The following STAG1 variants were observed in gnomAD, a reference collection of about 807,000 sequenced individuals.
The protein encoded by STAG1 is cohesin subunit SA-1.
A neutral mutation model predicts 170.9 loss-of-function variants in STAG1; 26 were observed. The observed-to-expected ratio is 0.15, with a 90% CI of 0.11 to 0.21. STAG1 has a LOEUF of 0.21. Ranked by LOEUF, STAG1 falls within the 10% of genes least tolerant of loss-of-function variation. The pLI, the probability that STAG1 is intolerant of heterozygous loss-of-function variation, is 1.00. For missense variants in STAG1, 964 were observed against 1,509.5 expected (o/e 0.64, Z 5.99); for synonymous variants, 514 against 497.7 (o/e 1.03, Z -0.44).
intron 1 of STAG1, among the ~76,000 whole-genome samples, chr3:136,728,257 G>A (rs538416810): frequency 6.6e-6 from 1 of 152,206 alleles, no homozygotes; most frequent in Admixed American, 6.5e-5. Context: ...TAACAAAGGG[G>A]AAATAAACTA....
chr3:136,605,407 T>TAAATTCATTCATTCAC, intron 3 of STAG1, among the ~76,000 whole-genome samples: 1 of 152,370 alleles, frequency 6.6e-6, no homozygotes, highest in Admixed American at 6.5e-5. Context: ...CATTCATTCA[T>TAAATTCATTCATTCAC]ACATTCATTC....
At chr3:136,565,658 T>C (rs975816859) in intron 5 of STAG1, among the ~76,000 whole-genome samples, 15 of 152,180 alleles carry the variant, frequency 9.9e-5, no homozygotes, top group African/African-American at 3.4e-4. Flanking sequence ...TTATACGACC[T>C]AGCAATTCTA....
chr3:136,502,088 G>C (rs955482894), intron 8 of STAG1, among the ~76,000 whole-genome samples: 1 of 152,070 alleles, frequency 6.6e-6, no homozygotes, highest in South Asian at 2.1e-4. Context: ...GGCTGAGGCA[G>C]GAGAATTGCT....
chr3:136,392,781 A>AAAG (rs2087046632), intron 22 of STAG1, among the ~76,000 whole-genome samples: 2 of 151,040 alleles, frequency 1.3e-5, no homozygotes, highest in Non-Finnish European at 1.5e-5. Context: ...AAAAAAAAAA[A>AAAG]AAAAGAAAAG....
intron 1 of STAG1, among the ~76,000 whole-genome samples, chr3:136,716,913 A>G (rs1943554472): frequency 6.6e-6 from 1 of 152,238 alleles, no homozygotes; most frequent in African/African-American, 2.4e-5. Context: ...ATATGAAGTG[A>G]GGATAACAAT....
At position 136,644,768 on chromosome 3, in the gene STAG1, C is replaced by A. The variant is rs1301745474; in HGVS notation, c.-83-13787G>T. On this transcript the variant is annotated intron_variant, in intron 1 of 33. Coordinates refer to ENST00000383202, the MANE Select transcript of STAG1 (RefSeq NM_005862.3). ...GACAGGATTTCACTCTGTCACCAGG[C>A]TGGAGTGTGCTGGCAGATCTCAGCA... is the stretch of plus-strand genomic sequence containing the variant. Among the ~76,000 whole-genome samples, 12 of 152,138 alleles carry A rather than the reference C, an allele frequency of 7.9e-5. No individual in the cohort carries two copies. The East Asian group carries it at 2.3e-3, about 29-fold the overall frequency.
intron 22 of STAG1, among the ~76,000 whole-genome samples, chr3:136,390,643 T>C (rs1463276487): frequency 6.6e-6 from 1 of 152,222 alleles, no homozygotes; most frequent in African/African-American, 2.4e-5. Flanking sequence ...ATAAAATGCT[T>C]ACATGCGACT....
intron 22 of STAG1, among the ~76,000 whole-genome samples, chr3:136,393,590 CTTTT>C (rs774648941): frequency 2.3e-5 from 3 of 130,128 alleles, no homozygotes; most frequent in Non-Finnish European, 3.3e-5. Flanking sequence ...TACGCTTCAT[CTTTT>C]TTTTTTTTTT....
intron 5 of STAG1, among the ~76,000 whole-genome samples, chr3:136,548,263 C>T (rs948249147): frequency 1.3e-5 from 2 of 151,990 alleles, no homozygotes; most frequent in African/African-American, 2.4e-5. Flanking sequence ...CAAGCAAGCA[C>T]CACCATGCCC....
intron 1 of STAG1, among the ~76,000 whole-genome samples, chr3:136,741,853 G>C (rs999009284): frequency 6.6e-6 from 1 of 152,086 alleles, no homozygotes; most frequent in African/African-American, 2.4e-5. Context: ...TAAATAGGTA[G>C]AAAAAGATAT....
intron 5 of STAG1, among the ~76,000 whole-genome samples, chr3:136,565,908 T>C (rs1937059831): frequency 6.6e-6 from 1 of 152,102 alleles, no homozygotes; most frequent in Non-Finnish European, 1.5e-5. Context: ...ACATGGTAAG[T>C]GAAAGAAGTC....
intron 5 of STAG1, among the ~76,000 whole-genome samples, chr3:136,556,113 C>T (rs1163315740): frequency 2.0e-5 from 3 of 151,980 alleles, no homozygotes; most frequent in Admixed American, 6.6e-5. Flanking sequence ...TAAAACTGCT[C>T]TAAAAAAATA....
Position 136,735,317 on chromosome 3 carries a change from G to T in STAG1, c.-84+16878C>A, listed in dbSNP as rs114593616. 6.6e-3 allele frequency among the ~76,000 whole-genome samples: 998 copies of T among 152,018 alleles called. 10 individuals carry two copies. Among genetic ancestry groups the T allele is most frequent in the African/African-American group, 0.023 (969 of 41,434 alleles). On this transcript the variant is annotated intron_variant, in intron 1 of 33. Coordinates refer to ENST00000383202, the MANE Select transcript of STAG1 (RefSeq NM_005862.3). ...ATTTTTGCATTTTCTGTAGAGACAGGGTCTTGCTATGATGTCCAGTCTGGT... is the reference window on the plus strand; with the variant it reads ...ATTTTTGCATTTTCTGTAGAGACAGTGTCTTGCTATGATGTCCAGTCTGGT...
intron 15 of STAG1, among the ~76,000 whole-genome samples, chr3:136,434,439 T>C (rs1283035204): frequency 6.6e-6 from 1 of 152,200 alleles, no homozygotes; most frequent in Non-Finnish European, 1.5e-5. Context: ...ATCTACTAAT[T>C]AGTTAAGTGG....
intron 1 of STAG1, among the ~76,000 whole-genome samples, chr3:136,653,747 A>G (rs1377624090): frequency 6.6e-6 from 1 of 152,180 alleles, no homozygotes; most frequent in East Asian, 1.9e-4. Context: ...ATACAACCCA[A>G]AAAAGTTGTC....
At chr3:136,656,102 CAG>C (rs1291116942) in intron 1 of STAG1, among the ~76,000 whole-genome samples, 7 of 151,334 alleles carry the variant, frequency 4.6e-5, no homozygotes, top group Non-Finnish European at 1.0e-4. Context: ...ATAATTCTGA[CAG>C]ATGTTATGAA....
intron 1 of STAG1, among the ~76,000 whole-genome samples, chr3:136,712,559 T>C (rs1339133582): frequency 1.3e-5 from 2 of 152,168 alleles, no homozygotes; most frequent in Non-Finnish European, 2.9e-5. Flanking sequence ...AACTCATTAG[T>C]AGCCAGAGAT....
chr3:136,460,051 G>A (rs1171434944), intron 13 of STAG1, among the ~76,000 whole-genome samples: 2 of 151,942 alleles, frequency 1.3e-5, no homozygotes, highest in Non-Finnish European at 2.9e-5. Flanking sequence ...ATGTAATTAA[G>A]ACTAAATACA....
Position 136,463,695 on chromosome 3 carries a change from C to G in STAG1, c.1313+1186G>C, listed in dbSNP as rs575200458. On this transcript the variant is annotated intron_variant, in intron 13 of 33. Transcript: ENST00000383202. ...GAGTTCAAGACCAGCCTGGGCAAGACAGCAAGACCCCATCTCTCTAAAAAA... is the reference window on the plus strand; with the variant it reads ...GAGTTCAAGACCAGCCTGGGCAAGAGAGCAAGACCCCATCTCTCTAAAAAA... Among the ~76,000 whole-genome samples the G allele has an allele frequency of 3.1e-4, 43 of 139,850 alleles. 1 individual carries two copies. Among genetic ancestry groups the G allele is most frequent in the African/African-American group, 1.1e-3 (40 of 35,258 alleles). The allele number at this position is 139,850 out of a possible 152,430, so 91.7% of individuals were successfully genotyped here.
Sources: gnomAD v4.1 joint callset for allele counts (sites outside exome capture counted in the v4.1 genomes callset) on GRCh38, gnomAD v4.1.1 for gene constraint, MANE v1.5 for transcripts, NCBI Gene and HGNC (gene_info 2026-07-23, HGNC 2026-07-21) for gene names.